PSMB7: variants seen among roughly 807,000 people sequenced by gnomAD.
PSMB7 encodes proteasome 20S subunit beta 7.
In PSMB7, 5 loss-of-function variants were observed where a neutral mutation model predicts 28.1. The observed-to-expected ratio is 0.18, with a 90% confidence interval of 0.09 to 0.37. The LOEUF is 0.37. PSMB7 is among the 10% of genes least tolerant of loss of function. The probability of loss-of-function intolerance (pLI) is 1.00; values close to 1 mark genes in which losing one functional copy is unlikely to be tolerated. For synonymous variants in PSMB7, 122 were observed against 123.7 expected (o/e 0.99, Z 0.09); for missense variants, 275 against 346.2 (o/e 0.79, Z 1.63).
chr9:124,412,235 G>A (rs1329718566), intron 4 of PSMB7, 117 bp downstream of exon 4: 12 of 1,081,182 alleles, frequency 1.1e-5, no homozygotes, highest in African/African-American at 1.6e-5. Context: ...ACTGATTTCC[G>A]GAACAAAATG....
intron 6 of PSMB7, among the ~76,000 whole-genome samples, chr9:124,378,470 G>A (rs1197681137): frequency 6.6e-6 from 1 of 152,144 alleles, no homozygotes; most frequent in Non-Finnish European, 1.5e-5. Flanking sequence ...TTTGCAAGTC[G>A]ATACCAGAGG....
rs1017533030 is a variant in PSMB7 at position 124,377,735 on chromosome 9, T to C, written c.570+6863A>G. Among the ~76,000 whole-genome samples, 7 of 152,326 alleles carry C rather than the reference T, an allele frequency of 4.6e-5. 1 individual carries two copies. The highest frequency in any genetic ancestry group is 6.8e-3 in the Middle Eastern group (2 of 294). ...CCAACACTTGCCGAGTGATGAGATATGACTCCATAAATCAGACGGCTGAAG... is the reference window on the plus strand; with the variant it reads ...CCAACACTTGCCGAGTGATGAGATACGACTCCATAAATCAGACGGCTGAAG... On this transcript the variant is annotated intron_variant, in intron 6 of 7. Coordinates refer to ENST00000259457, the MANE Select transcript of PSMB7 (RefSeq NM_002799.4).
intron 6 of PSMB7, among the ~76,000 whole-genome samples, chr9:124,379,483 C>T (rs989339345): frequency 1.3e-5 from 2 of 152,158 alleles, no homozygotes; most frequent in Admixed American, 6.5e-5. Context: ...CTCAAGGTAG[C>T]GTTTAGGCCA....
At chr9:124,360,643 C>CAGCT (rs796375753) in intron 6 of PSMB7, among the ~76,000 whole-genome samples, 19 of 152,360 alleles carry the variant, frequency 1.2e-4, no homozygotes, top group African/African-American at 4.6e-4. Flanking sequence ...TTCAGACGCT[C>CAGCT]AGCTAAAAGA....
chr9:124,388,483 T>A (rs776531018), intron 5 of PSMB7, among the ~76,000 whole-genome samples: 15 of 152,194 alleles, frequency 9.9e-5, no homozygotes, highest in Non-Finnish European at 2.2e-4. Flanking sequence ...ATGCGGCCTA[T>A]TTTAGGTCAT....
intron 5 of PSMB7, among the ~76,000 whole-genome samples, chr9:124,387,466 T>C (rs1232545384): frequency 1.3e-5 from 2 of 151,756 alleles, no homozygotes; most frequent in Non-Finnish European, 2.9e-5. Context: ...TTCCCCTTTT[T>C]ATACCTCAAA....
At position 124,412,633 on chromosome 9, in the gene PSMB7, T is replaced by C. The variant is rs1831040712; in HGVS notation, c.255-141A>G. ...ATATCTATGCTGTAACTTCTCTGTT[T>C]AGTCAACCTTAAATAAACAGAAAAT... On this transcript the variant is annotated intron_variant, in intron 3 of 7. Coordinates refer to ENST00000259457, the MANE Select transcript of PSMB7 (RefSeq NM_002799.4). 26 of 796,754 alleles carry C rather than the reference T, an allele frequency of 3.3e-5. No homozygotes were observed. In the South Asian group the frequency reaches 5.5e-4, roughly 17 times the overall value. 49.4% of individuals were successfully genotyped at this position (796,754 alleles called of 1,614,324 possible). A position where few individuals can be genotyped will look rare whatever the true frequency, so the allele number is the denominator to read the frequency against.
At chr9:124,394,824 C>G (rs1830824848) in intron 5 of PSMB7, among the ~76,000 whole-genome samples, 1 of 152,118 alleles carries the variant, frequency 6.6e-6, no homozygotes, top group South Asian at 2.1e-4. Context: ...TTGCAGCAAC[C>G]AAGAAACAAG....
At chr9:124,403,291 G>A (rs939893787) in intron 5 of PSMB7, among the ~76,000 whole-genome samples, 22 of 152,110 alleles carry the variant, frequency 1.4e-4, no homozygotes, top group South Asian at 1.0e-3. Flanking sequence ...TTGGGAGGCT[G>A]GAGCAGGCAG....
intron 6 of PSMB7, among the ~76,000 whole-genome samples, chr9:124,370,253 T>A (rs1452346917): frequency 6.6e-6 from 1 of 150,466 alleles, no homozygotes; most frequent in Non-Finnish European, 1.5e-5. Flanking sequence ...GCTTTCACAA[T>A]AGCAGAAGGT....
chr9:124,414,685 A>G (rs2131185002), intron 2 of PSMB7, among the ~76,000 whole-genome samples, 157 bp downstream of exon 2: 1 of 152,298 alleles, frequency 6.6e-6, no homozygotes, highest in Admixed American at 6.5e-5. Flanking sequence ...AGAAGCACAC[A>G]AAACCTGACA....
chr9:124,355,142 G>T (rs551220572), intron 7 of PSMB7, among the ~76,000 whole-genome samples: 1 of 152,218 alleles, frequency 6.6e-6, no homozygotes, highest in African/African-American at 2.4e-5. Flanking sequence ...AGACAACAGA[G>T]TCCAGGGAGC....
intron 6 of PSMB7, among the ~76,000 whole-genome samples, chr9:124,372,613 T>C (rs905878145): frequency 1.3e-5 from 2 of 152,212 alleles, no homozygotes; most frequent in African/African-American, 4.8e-5. Context: ...TGAAATTAAA[T>C]GGGAGTAAGT....
intron 6 of PSMB7, among the ~76,000 whole-genome samples, chr9:124,375,056 A>C (rs375436072): frequency 4.6e-5 from 7 of 151,892 alleles, no homozygotes; most frequent in African/African-American, 1.7e-4. Flanking sequence ...CAGGAGAATC[A>C]CTTGAACCCA....
intron 6 of PSMB7, among the ~76,000 whole-genome samples, chr9:124,381,848 T>C (rs1830668097): frequency 6.6e-6 from 1 of 152,252 alleles, no homozygotes; most frequent in Admixed American, 6.5e-5. Context: ...TTTCCTACTA[T>C]TAACATCTCT....
chr9:124,413,794 G>T, intron 3 of PSMB7, 114 bp downstream of exon 3: 1 of 678,968 alleles, frequency 1.5e-6, no homozygotes, highest in East Asian at 2.8e-5. Context: ...GCCATTTAAG[G>T]GAGACAGAAA....
At chr9:124,412,640 C>G (rs558516077) in intron 3 of PSMB7, 148 bp from the exon 4 acceptor site, 3 of 759,218 alleles carry the variant, frequency 4.0e-6, no homozygotes, top group Non-Finnish European at 6.0e-6. Flanking sequence ...GTTTAGTCAA[C>G]CTTAAATAAA....
intron 7 of PSMB7, among the ~76,000 whole-genome samples, chr9:124,354,472 C>T (rs1830377334): frequency 6.6e-6 from 1 of 152,222 alleles, no homozygotes; most frequent in Non-Finnish European, 1.5e-5. Flanking sequence ...ACTTGCTGTC[C>T]TTCAGGAACT....
At chr9:124,377,913 TA>T (rs1230963764) in intron 6 of PSMB7, among the ~76,000 whole-genome samples, 2 of 152,064 alleles carry the variant, frequency 1.3e-5, no homozygotes, top group African/African-American at 4.8e-5. Flanking sequence ...ACACTAAGAC[TA>T]GGGGAAAAAA....
Sources: allele counts gnomAD v4.1 joint callset (sites outside exome capture counted in the v4.1 genomes callset), GRCh38; gene constraint gnomAD v4.1.1; transcripts MANE v1.5; gene names NCBI Gene and HGNC (gene_info 2026-07-23, HGNC 2026-07-21).